LRP1B: variants seen among roughly 807,000 people sequenced by gnomAD.
LRP1B encodes low-density lipoprotein receptor-related protein 1B.
In LRP1B, 217 loss-of-function variants were observed where a neutral mutation model predicts 556.6. The observed-to-expected ratio is 0.39, with a 90% CI of 0.35 to 0.44. LRP1B has a LOEUF of 0.44. Ranked by LOEUF, LRP1B falls within the 20% of genes least tolerant of loss-of-function variation. The pLI is 1.00. For missense variants in LRP1B, 5,053 were observed against 5,620.8 expected, an observed-to-expected ratio of 0.90 and a Z score of 3.23; for synonymous variants, 2,047 against 1,865.8, an observed-to-expected ratio of 1.10 and a Z score of -2.50.
At chr2:141,656,729 A>G (rs1690023878) in intron 2 of LRP1B, among the ~76,000 whole-genome samples, 1 of 152,142 alleles carries the variant, frequency 6.6e-6, no homozygotes, top group Non-Finnish European at 1.5e-5. Context: ...ACATGAGCTG[A>G]GAACTTTGAA....
intron 2 of LRP1B, among the ~76,000 whole-genome samples, chr2:141,808,408 C>A (rs1696231155): frequency 6.6e-6 from 1 of 152,014 alleles, no homozygotes; most frequent in Non-Finnish European, 1.5e-5. Context: ...TTTCTAGATA[C>A]CACTTGAAAA....
chr2:141,055,802 ATGTGTGTGTGTGTGTGTGTG>A (rs10664722), intron 9 of LRP1B, among the ~76,000 whole-genome samples: 1 of 145,442 alleles, frequency 6.9e-6, no homozygotes, highest in East Asian at 2.0e-4. Flanking sequence ...TTACCACAAA[ATGTGTGTGTGTGTGTGTGTG>A]TGTGTGTGTG....
intron 1 of LRP1B, among the ~76,000 whole-genome samples, chr2:141,962,756 T>C (rs1701437473): frequency 6.6e-6 from 1 of 151,760 alleles, no homozygotes; most frequent in Non-Finnish European, 1.5e-5. Context: ...AGCTAAAAAA[T>C]TACCTCAAGA....
At chr2:141,478,510 C>T (rs368456679) in intron 3 of LRP1B, among the ~76,000 whole-genome samples, 1 of 136,784 alleles carries the variant, frequency 7.3e-6, no homozygotes, top group Admixed American at 7.8e-5. Flanking sequence ...CCTTCTTTCC[C>T]TCCCTCCCTT....
chr2:141,118,756 A>G (rs532975033), intron 7 of LRP1B, among the ~76,000 whole-genome samples: 27 of 152,066 alleles, frequency 1.8e-4, no homozygotes, highest in South Asian at 4.1e-4. Flanking sequence ...GAGATGAGGT[A>G]TCTAAGCATT....
Position 140,370,624 on chromosome 2 carries a change from T to G in LRP1B, c.11008+86A>C, listed in dbSNP as rs751557723. Reference sequence around the variant, plus strand: ...AGAATTATTTAAAGATTCTATCCTCTGCCTCTAGCATACACTGTATATTCT... The same window carrying G: ...AGAATTATTTAAAGATTCTATCCTCGGCCTCTAGCATACACTGTATATTCT... On this transcript the variant is annotated intron_variant, in intron 71 of 90. Transcript: ENST00000389484. 8 of 1,484,880 alleles carry G rather than the reference T, an allele frequency of 5.4e-6. No individual in the cohort carries two copies. In the South Asian group the frequency reaches 1.0e-4, roughly 19 times the overall value. The allele number at this position is 1,484,880 out of a possible 1,614,324, so 92.0% of individuals were successfully genotyped here.
At chr2:140,672,482 T>TAAAAAAAAAAAAAAA (rs55884730) in intron 41 of LRP1B, among the ~76,000 whole-genome samples, 3 of 81,580 alleles carry the variant, frequency 3.7e-5, no homozygotes, top group African/African-American at 1.6e-4. Flanking sequence ...AGACTCCATC[T>TAAAAAAAAAAAAAAA]AAAAAAAAAA....
intron 84 of LRP1B, among the ~76,000 whole-genome samples, chr2:140,285,426 T>A (rs1181371320): frequency 6.6e-6 from 1 of 151,102 alleles, no homozygotes; most frequent in African/African-American, 2.4e-5. Flanking sequence ...TCTACACTGG[T>A]GTGATAGCAA....
chr2:140,349,894 T>C (rs1175880421), intron 77 of LRP1B, among the ~76,000 whole-genome samples: 2 of 152,154 alleles, frequency 1.3e-5, no homozygotes, highest in Non-Finnish European at 2.9e-5. Context: ...AAAACCAGCA[T>C]ATTGCCATCT....
Position 141,771,914 on chromosome 2 carries a change from T to A in LRP1B, c.205+38365A>T, listed in dbSNP as rs143189173. ...GCTCACTGTAATCTCTGCCTTCCTA[T>A]TTCAAGCAATTCTCCTGCCTCAGCC... On this transcript the variant is annotated intron_variant, in intron 2 of 90. Transcript: ENST00000389484. Among the ~76,000 whole-genome samples, 263 of 152,144 alleles carry A rather than the reference T, an allele frequency of 1.7e-3. 1 individual carries two copies. The highest frequency in any genetic ancestry group is 3.3e-3 in the Non-Finnish European group (221 of 67,956).
At chr2:140,233,357 A>C (rs1680554689) in intron 90 of LRP1B, 31 bp from the exon 91 acceptor site, 1 of 1,507,082 alleles carries the variant, frequency 6.6e-7, no homozygotes, top group African/African-American at 1.4e-5. Flanking sequence ...ATATAATTTT[A>C]TTACTGGTCT....
chr2:141,721,877 C>T (rs933791086), intron 2 of LRP1B, among the ~76,000 whole-genome samples: 39 of 152,128 alleles, frequency 2.6e-4, no homozygotes, highest in African/African-American at 3.4e-4. Flanking sequence ...ACCATTAAAA[C>T]GACCAAACCA....
At chr2:140,884,315 T>A (rs559390135) in intron 24 of LRP1B, among the ~76,000 whole-genome samples, 48 of 152,282 alleles carry the variant, frequency 3.2e-4, no homozygotes, top group African/African-American at 1.0e-3. Flanking sequence ...AAAAAAGTTA[T>A]TTCTTGTTCC....
rs956827089 is a variant in LRP1B at position 140,920,928 on chromosome 2, T to C, written c.3319+2037A>G. ...ATAAAAGTGTTCCAGAAAATTCAGT[T>C]CTCTAAAGATAGCCAGCTTTCCTCA... On this transcript the variant is annotated intron_variant, in intron 21 of 90. Transcript: ENST00000389484. Among the ~76,000 whole-genome samples, 29 of 151,974 alleles carry C rather than the reference T, an allele frequency of 1.9e-4. 1 individual carries two copies. Among genetic ancestry groups the C allele is most frequent in the Non-Finnish European group, 1.0e-4 (7 of 67,910 alleles).
chr2:141,958,599 T>C (rs541425163), intron 1 of LRP1B, among the ~76,000 whole-genome samples: 82 of 152,148 alleles, frequency 5.4e-4, no homozygotes, highest in African/African-American at 1.8e-3. Flanking sequence ...AGAATATAAT[T>C]GTTCTGTGAT....
At chr2:140,595,114 A>G (rs868004561) in intron 43 of LRP1B, among the ~76,000 whole-genome samples, 2 of 85,718 alleles carry the variant, frequency 2.3e-5, no homozygotes, top group Non-Finnish European at 4.8e-5. Flanking sequence ...ATATATATAT[A>G]TATATATATA....
At chr2:141,581,394 T>C (rs1338687099) in intron 2 of LRP1B, among the ~76,000 whole-genome samples, 4 of 152,206 alleles carry the variant, frequency 2.6e-5, no homozygotes, top group African/African-American at 9.6e-5. Flanking sequence ...CATACAGATA[T>C]TGATTACATC....
chr2:141,409,661 T>C (rs189497613), intron 3 of LRP1B, among the ~76,000 whole-genome samples: 10 of 152,214 alleles, frequency 6.6e-5, no homozygotes, highest in African/African-American at 2.4e-4. Flanking sequence ...CCTACTGTTA[T>C]GGAACTTACA....
intron 2 of LRP1B, among the ~76,000 whole-genome samples, chr2:141,610,480 C>T (rs1029438755): frequency 6.6e-6 from 1 of 152,030 alleles, no homozygotes; most frequent in Non-Finnish European, 1.5e-5. Flanking sequence ...AGCCCCCTTG[C>T]CACTCTCTGA....
Sources: gnomAD v4.1 joint callset for allele counts (sites outside exome capture counted in the v4.1 genomes callset) on GRCh38, gnomAD v4.1.1 for gene constraint, MANE v1.5 for transcripts, NCBI Gene and HGNC (gene_info 2026-07-23, HGNC 2026-07-21) for gene names.